Variants in SRPX observed in about 807,000 individuals in gnomAD.
SRPX encodes sushi repeat containing protein X-linked, also known as sushi repeat-containing protein SRPX.
SRPX carries 24 observed loss-of-function variants against 38.1 expected under a neutral mutation model. That is an observed-to-expected ratio of 0.63 (90% CI 0.46 to 0.89). The LOEUF is 0.89. SRPX is among the 40% of genes least tolerant of loss of function. The pLI is 0.00. For missense variants in SRPX, 416 were observed against 377.8 expected, an observed-to-expected ratio of 1.10 and a Z score of -0.84; for synonymous variants, 184 against 153.8, an observed-to-expected ratio of 1.20 and a Z score of -1.45.
intron 5 of SRPX, among the ~76,000 whole-genome samples, chrX:38,163,740 A>G (rs1315542485): frequency 8.9e-6 from 1 of 112,837 alleles, no homozygotes; most frequent in Non-Finnish European, 1.9e-5. Context: ...AAGAAAGCAG[A>G]AGATACCTTC....
At chrX:38,209,898 GT>G (rs1000846936) in intron 1 of SRPX, among the ~76,000 whole-genome samples, 2 of 111,514 alleles carry the variant, frequency 1.8e-5, no homozygotes, top group Non-Finnish European at 3.8e-5. Flanking sequence ...AAAGGTTGGG[GT>G]TTTTTTTCTT....
intron 4 of SRPX, among the ~76,000 whole-genome samples, chrX:38,165,217 C>A (rs1210996184): frequency 1.8e-5 from 2 of 112,096 alleles, no homozygotes; most frequent in Non-Finnish European, 3.8e-5. Flanking sequence ...ATGGCAGTTA[C>A]CCAGCTGAAA....
chrX:38,154,694 G>T, intron 8 of SRPX, 111 bp from the exon 9 acceptor site: 1 of 995,242 alleles, frequency 1.0e-6, no homozygotes, highest in Non-Finnish European at 1.4e-6. Flanking sequence ...AAGTTTATTT[G>T]CTCACTCTGA....
chrX:38,220,679 C>G lies in SRPX; in HGVS notation c.97+17G>C, dbSNP rs377424978. 1.7e-6 allele frequency: 2 copies of G among 1,186,237 alleles called. No individual in the cohort carries two copies. ...TTTGGTGCCCAGCTGAGGAGGCAGC[C>G]ACGCCTCCGATCCTACCTGGGAAGC... On this transcript the variant is annotated intron_variant, in intron 1 of 9. Coordinates refer to ENST00000378533, the MANE Select transcript of SRPX (RefSeq NM_006307.5).
chrX:38,172,158 T>TTAAC (rs1938483398), intron 3 of SRPX, 101 bp from the exon 4 acceptor site: 1 of 957,014 alleles, frequency 1.0e-6, no homozygotes, highest in African/African-American at 2.0e-5. Flanking sequence ...GAAAAGTTAA[T>TTAAC]TTAAATATAA....
At chrX:38,172,170 A>G in intron 3 of SRPX, 113 bp from the exon 4 acceptor site, 1 of 841,020 alleles carries the variant, frequency 1.2e-6, no homozygotes, top group Non-Finnish European at 1.7e-6. Flanking sequence ...TAAATATAAG[A>G]AGGCCAGGCG....
intron 1 of SRPX, among the ~76,000 whole-genome samples, chrX:38,205,954 A>G (rs7883680): frequency 0.31 from 34,904 of 111,536 alleles, 4,495 homozygotes; most frequent in Non-Finnish European, 0.41. Context: ...CACCCTGCAC[A>G]TGCATATAAG....
chrX:38,213,893 C>A lies in SRPX; in HGVS notation c.97+6803G>T, dbSNP rs761442922. ...GTAACTTACTATTGCAAAAATAACACCAAAGGGGATGGTGCTAAACCATTC... is the reference window on the plus strand; with the variant it reads ...GTAACTTACTATTGCAAAAATAACAACAAAGGGGATGGTGCTAAACCATTC... On this transcript the variant is annotated intron_variant, in intron 1 of 9. Transcript: ENST00000378533. 4.5e-5 allele frequency among the ~76,000 whole-genome samples: 5 copies of A among 111,561 alleles called. No homozygotes were observed. In the South Asian group the frequency reaches 1.9e-3, roughly 42 times the overall value.
chrX:38,150,029 C>A, intron 9 of SRPX, 135 bp from the exon 10 acceptor site: 1 of 515,313 alleles, frequency 1.9e-6, no homozygotes, highest in South Asian at 4.9e-5. Context: ...ATCCTTTAGA[C>A]CCTGTCTACT....
At chrX:38,165,136 T>A (rs1383777867) in intron 4 of SRPX, among the ~76,000 whole-genome samples, 2 of 111,974 alleles carry the variant, frequency 1.8e-5, no homozygotes, top group Non-Finnish European at 3.8e-5. Context: ...CCTTGCAAGG[T>A]GTCCTGTGGG....
chrX:38,172,184 T>C (rs1440726922), intron 3 of SRPX, 127 bp from the exon 4 acceptor site: 3 of 713,972 alleles, frequency 4.2e-6, no homozygotes, highest in Non-Finnish European at 6.1e-6. Context: ...CCAGGCGCAG[T>C]GGCTCACTCC....
intron 4 of SRPX, among the ~76,000 whole-genome samples, chrX:38,170,273 G>A (rs1938443578): frequency 8.9e-6 from 1 of 111,796 alleles, no homozygotes; most frequent in African/African-American, 3.3e-5. Flanking sequence ...GGAAATCTGG[G>A]AACTACTTAG....
Position 38,178,298 on chromosome X carries a change from G to A in SRPX, c.144C>T (p.His48=). 1.7e-6 allele frequency: 2 copies of A among 1,209,168 alleles called. No homozygotes were observed. Among genetic ancestry groups the A allele is most frequent in the African/African-American group, 1.7e-5 (1 of 57,593 alleles). The change falls in exon 2 of 10, where the codon CAC becomes CAT. Residue 48 remains histidine, a synonymous_variant. Coordinates refer to ENST00000378533, the MANE Select transcript of SRPX (RefSeq NM_006307.5). The stretch of plus-strand genomic sequence containing the variant: ...CAAAGCATTCACCTTTATATCTAGG[G>A]TGTGAATACCCGACTTCATCGTCTT... ...PLEDDEVGYS[H]PRYKDTPWCS...
At chrX:38,161,258 C>G (rs905743515) in intron 5 of SRPX, among the ~76,000 whole-genome samples, 2 of 110,808 alleles carry the variant, frequency 1.8e-5, no homozygotes, top group African/African-American at 6.6e-5. Context: ...AAATGGAAGA[C>G]CCAAACTACT....
intron 1 of SRPX, among the ~76,000 whole-genome samples, chrX:38,179,301 C>T (rs1938625505): frequency 8.9e-6 from 1 of 112,111 alleles, no homozygotes; most frequent in Non-Finnish European, 1.9e-5. Context: ...TCAGAGAGAA[C>T]GTCTGTGTAT....
chrX:38,203,241 T>A (rs900296981), intron 1 of SRPX, among the ~76,000 whole-genome samples: 16 of 107,529 alleles, frequency 1.5e-4, no homozygotes, highest in Non-Finnish European at 2.5e-4. Context: ...ATTCGTGATT[T>A]AAAAAAAAAA....
intron 2 of SRPX, among the ~76,000 whole-genome samples, chrX:38,176,953 G>A (rs1938576822): frequency 9.0e-6 from 1 of 111,193 alleles, no homozygotes; most frequent in African/African-American, 3.3e-5. Context: ...TAAACATTCA[G>A]GGTAAGTTCT....
At chrX:38,185,565 T>C (rs1938760426) in intron 1 of SRPX, among the ~76,000 whole-genome samples, 2 of 111,535 alleles carry the variant, frequency 1.8e-5, no homozygotes, top group South Asian at 7.6e-4. Context: ...TGCCTTAAAG[T>C]ACCTTCAGTC....
chrX:38,218,650 C>T (rs1245242384), intron 1 of SRPX, among the ~76,000 whole-genome samples: 1 of 112,446 alleles, frequency 8.9e-6, no homozygotes, highest in African/African-American at 3.2e-5. Context: ...TTCACTTTCT[C>T]TCTTACTGAA....
Sources: gnomAD v4.1 joint callset for allele counts (sites outside exome capture counted in the v4.1 genomes callset) on GRCh38, gnomAD v4.1.1 for gene constraint, MANE v1.5 for transcripts, NCBI Gene and HGNC (gene_info 2026-07-23, HGNC 2026-07-21) for gene names.